The following CCNH variants were observed in gnomAD, a reference collection of about 807,000 sequenced individuals.
The protein encoded by CCNH is cyclin H.
A neutral mutation model predicts 41.9 loss-of-function variants in CCNH; 31 were observed. The ratio of observed to expected loss-of-function variants is 0.74; its 90% CI spans 0.56 to 1.00. The LOEUF is 1.00. Among genes scored for constraint, CCNH ranks in the 50% least tolerant of loss-of-function variants. The pLI is 0.00. For missense variants in CCNH, 362 were observed against 388.4 expected (o/e 0.93, Z 0.57); for synonymous variants, 138 against 136.1 (o/e 1.01, Z -0.10).
rs768003764 is a variant in CCNH at position 87,408,003 on chromosome 5, T to C, written c.498A>G (p.Pro166=). 1.9e-6 allele frequency: 3 copies of C among 1,613,034 alleles called. No individual in the cohort carries two copies. The African/African-American group carries it at 4.0e-5, about 22-fold the overall frequency. ...TTAAGTCGATGAGGAAGCCCTCAAA[T>C]GGTCTGTAAGGATTGTGGACAATAA... is the stretch of plus-strand genomic sequence containing the variant. The part of the protein sequence containing the change: ...FHLIVHNPYR[P]FEGFLIDLKT... Residue 166 remains proline (P), a synonymous_variant, in exon 4 of 9, where the codon CCA becomes CCG. Transcript: ENST00000256897.
At chr5:87,361,667 G>A (rs946835895) in intron 9 of CCNH, among the ~76,000 whole-genome samples, 1 of 152,104 alleles carries the variant, frequency 6.6e-6, no homozygotes, top group Non-Finnish European at 1.5e-5. Flanking sequence ...AGCAATTAAT[G>A]TAAGTTCTGC....
intron 9 of CCNH, among the ~76,000 whole-genome samples, chr5:87,360,284 G>A (rs1454758627): frequency 1.3e-5 from 2 of 151,876 alleles, no homozygotes; most frequent in East Asian, 1.9e-4. Context: ...GCGCCACCAC[G>A]CCCAGCTAAT....
chr5:87,322,314 T>G (rs534283372), intron 9 of CCNH, among the ~76,000 whole-genome samples: 11 of 152,276 alleles, frequency 7.2e-5, no homozygotes, highest in African/African-American at 1.4e-4. Context: ...AGCAGCAGCA[T>G]TAGATTTTCA....
At chr5:87,314,033 G>C (rs1383119318), downstream of CCNH, among the ~76,000 whole-genome samples, 1 of 152,066 alleles carries the variant, frequency 6.6e-6, no homozygotes, top group East Asian at 1.9e-4. Flanking sequence ...GCCAGGCGTG[G>C]TGGCACATGC....
downstream of CCNH, among the ~76,000 whole-genome samples, chr5:87,373,078 G>T (rs1761066244): frequency 6.6e-6 from 1 of 152,084 alleles, no homozygotes; most frequent in Non-Finnish European, 1.5e-5. Context: ...GTTGTATTTT[G>T]TGTGAAACTT....
chr5:87,346,831 C>A, intron 9 of CCNH: 1 of 806,964 alleles, frequency 1.2e-6, no homozygotes, highest in Non-Finnish European at 2.0e-6. Context: ...AGTGTTTATG[C>A]ATGTTATAAT....
At chr5:87,411,758 A>G (rs1449747758) in intron 1 of CCNH, among the ~76,000 whole-genome samples, 4 of 152,252 alleles carry the variant, frequency 2.6e-5, no homozygotes, top group Non-Finnish European at 5.9e-5. Flanking sequence ...AAATGTTTCA[A>G]TAAATTTCTG....
downstream of CCNH, among the ~76,000 whole-genome samples, chr5:87,373,901 T>A (rs117325449): frequency 7.9e-3 from 1,197 of 152,110 alleles, 59 homozygotes; most frequent in Admixed American, 0.064. Flanking sequence ...TTTCATTATT[T>A]CTCCAGGAAT....
intron 5 of CCNH, 90 bp from the exon 6 acceptor site, chr5:87,401,862 A>G: frequency 1.4e-6 from 1 of 713,450 alleles, no homozygotes; most frequent in South Asian, 2.5e-5. Context: ...CATCCTCATC[A>G]AAGGCAATTA....
chr5:87,313,164 T>C, the CCNH span, among the ~76,000 whole-genome samples: 1 of 152,240 alleles, frequency 6.6e-6, no homozygotes, highest in Non-Finnish European at 1.5e-5. Flanking sequence ...CTCACATTTC[T>C]ATCTCAGTTT....
At chr5:87,404,692 T>C (rs1763655404) in intron 5 of CCNH, 152 bp downstream of exon 5, 3 of 615,774 alleles carry the variant, frequency 4.9e-6, no homozygotes, top group Non-Finnish European at 8.3e-6. Context: ...TTTTTCATGA[T>C]GTTTAAAGAT....
downstream of CCNH, chr5:87,392,339 T>C (rs762206905): frequency 4.4e-6 from 2 of 455,840 alleles, no homozygotes; most frequent in East Asian, 1.4e-4. Context: ...GTTATTTCTA[T>C]GGGGGCTGCT....
chr5:87,320,654 C>G (rs535506500), intron 9 of CCNH, among the ~76,000 whole-genome samples: 1 of 152,290 alleles, frequency 6.6e-6, no homozygotes, highest in East Asian at 1.9e-4. Context: ...GATTCAATCA[C>G]CTACCACCAG....
intron 9 of CCNH, among the ~76,000 whole-genome samples, chr5:87,352,711 A>G (rs796746082): frequency 2.0e-5 from 3 of 151,810 alleles, no homozygotes; most frequent in African/African-American, 7.2e-5. Flanking sequence ...TGTTTCTGAT[A>G]TAAAACCAGT....
intron 9 of CCNH, chr5:87,369,781 G>A (rs922341685): frequency 6.6e-7 from 1 of 1,504,802 alleles, no homozygotes; most frequent in Non-Finnish European, 9.2e-7. Context: ...TTTTTATTAA[G>A]CTTCCTAATA....
intron 9 of CCNH, among the ~76,000 whole-genome samples, chr5:87,351,721 T>C (rs1283715304): frequency 2.0e-5 from 3 of 151,740 alleles, no homozygotes; most frequent in East Asian, 1.9e-4. Flanking sequence ...AGAGTATAAA[T>C]GGAAGAGTAA....
At chr5:87,349,831 C>T (rs1280200051) in intron 9 of CCNH, among the ~76,000 whole-genome samples, 1 of 151,872 alleles carries the variant, frequency 6.6e-6, no homozygotes, top group Non-Finnish European at 1.5e-5. Context: ...TTACTTCTCA[C>T]TTTCAAAGTA....
upstream of CCNH, chr5:87,378,663 C>T: frequency 2.0e-6 from 2 of 988,156 alleles, no homozygotes; most frequent in Non-Finnish European, 3.0e-6. Flanking sequence ...ATAGCAGTTA[C>T]ACCTGTCTGT....
chr5:87,341,850 AG>A (rs1454448120), intron 9 of CCNH, among the ~76,000 whole-genome samples: 2 of 152,094 alleles, frequency 1.3e-5, no homozygotes. Context: ...ATATCTTTTC[AG>A]TACAACATTT....
Sources: gnomAD v4.1 joint callset for allele counts (sites outside exome capture counted in the v4.1 genomes callset) on GRCh38, gnomAD v4.1.1 for gene constraint, MANE v1.5 for transcripts, NCBI Gene and HGNC (gene_info 2026-07-23, HGNC 2026-07-21) for gene names.